CCDC91: variants seen among roughly 807,000 people sequenced by gnomAD.
CCDC91 encodes coiled-coil domain-containing protein 91.
In CCDC91, 48 loss-of-function variants were observed where a neutral mutation model predicts 63.2. The ratio of observed to expected loss-of-function variants is 0.76; its 90% confidence interval spans 0.60 to 0.97. The LOEUF (loss-of-function observed/expected upper bound fraction) is 0.97, where lower values mean the gene tolerates loss of function less well. CCDC91 is among the 50% of genes least tolerant of loss of function. CCDC91 has a pLI of 0.00. For missense variants in CCDC91, 500 were observed against 494.6 expected (o/e 1.01, Z -0.10); for synonymous variants, 167 against 165.8 (o/e 1.01, Z -0.06).
intron 3 of CCDC91, among the ~76,000 whole-genome samples, chr12:28,272,421 T>C (rs942640030): frequency 7.9e-5 from 12 of 151,744 alleles, no homozygotes; most frequent in Non-Finnish European, 1.8e-4. Flanking sequence ...AGTCGCTTTT[T>C]TTTTTTTTTG....
intron 3 of CCDC91, among the ~76,000 whole-genome samples, chr12:28,291,378 G>A (rs1949237975): frequency 6.6e-6 from 1 of 152,198 alleles, no homozygotes; most frequent in African/African-American, 2.4e-5. Context: ...ATGTGGTCAG[G>A]CATTGTCATG....
At chr12:28,372,209 A>G (rs2138849651) in intron 7 of CCDC91, among the ~76,000 whole-genome samples, 1 of 152,260 alleles carries the variant, frequency 6.6e-6, no homozygotes, top group South Asian at 2.1e-4. Flanking sequence ...ATCTAATTTT[A>G]TACCAGTACC....
intron 12 of CCDC91, among the ~76,000 whole-genome samples, chr12:28,524,576 C>T (rs544037489): frequency 2.0e-5 from 3 of 151,906 alleles, no homozygotes; most frequent in African/African-American, 4.8e-5. Context: ...TTGGTTGTAT[C>T]CTTTCCTGAT....
chr12:28,534,377 C>G (rs764145714), intron 12 of CCDC91, among the ~76,000 whole-genome samples: 1 of 152,136 alleles, frequency 6.6e-6, no homozygotes, highest in African/African-American at 2.4e-5. Context: ...ATGGCCATGA[C>G]AGGTCATTGG....
At chr12:28,343,864 C>T (rs537892077) in intron 6 of CCDC91, among the ~76,000 whole-genome samples, 1 of 152,140 alleles carries the variant, frequency 6.6e-6, no homozygotes, top group East Asian at 1.9e-4. Context: ...AGACACTATG[C>T]ATTATTCTAA....
chr12:28,420,949 T>C (rs1428630125), intron 8 of CCDC91, among the ~76,000 whole-genome samples: 1 of 152,114 alleles, frequency 6.6e-6, no homozygotes, highest in East Asian at 1.9e-4. Flanking sequence ...ATTTTTCCAG[T>C]ATACAGAATG....
chr12:28,471,386 C>T (rs1950804937), intron 11 of CCDC91, among the ~76,000 whole-genome samples: 2 of 152,120 alleles, frequency 1.3e-5, no homozygotes, highest in Non-Finnish European at 2.9e-5. Flanking sequence ...TTTTACCTCT[C>T]ATATGTTTTC....
chr12:28,470,068 C>CA (rs1950737785), intron 11 of CCDC91, among the ~76,000 whole-genome samples: 1 of 152,020 alleles, frequency 6.6e-6, no homozygotes, highest in Admixed American at 6.6e-5. Context: ...GCAACCAAAA[C>CA]AAAAATGGAC....
chr12:28,489,734 G>A (rs1951901266), intron 12 of CCDC91, among the ~76,000 whole-genome samples: 1 of 151,750 alleles, frequency 6.6e-6, no homozygotes, highest in Non-Finnish European at 1.5e-5. Flanking sequence ...TCAAGGCATT[G>A]TCAGAATTTT....
chr12:28,370,734 C>G (rs1944565925), intron 7 of CCDC91, among the ~76,000 whole-genome samples: 1 of 152,180 alleles, frequency 6.6e-6, no homozygotes, highest in Non-Finnish European at 1.5e-5. Flanking sequence ...AATTGACTCA[C>G]AGTTCCACAT....
intron 12 of CCDC91, among the ~76,000 whole-genome samples, chr12:28,513,700 A>G (rs1202014659): frequency 6.6e-6 from 1 of 151,754 alleles, no homozygotes; most frequent in Non-Finnish European, 1.5e-5. Flanking sequence ...TTAAGCATTA[A>G]GAAAACATTT....
chr12:28,518,108 A>G (rs1940158769), intron 12 of CCDC91, among the ~76,000 whole-genome samples: 1 of 151,960 alleles, frequency 6.6e-6, no homozygotes. Flanking sequence ...GTGTGCAAGT[A>G]TCTTTTCATA....
At chr12:28,217,960 C>T (rs1276499483) in intron 1 of CCDC91, among the ~76,000 whole-genome samples, 1 of 152,132 alleles carries the variant, frequency 6.6e-6, no homozygotes, top group African/African-American at 2.4e-5. Context: ...TCTTACTTAT[C>T]ATCTAAGGTT....
chr12:28,235,883 A>C (rs2135884728), intron 1 of CCDC91, among the ~76,000 whole-genome samples: 1 of 152,174 alleles, frequency 6.6e-6, no homozygotes, highest in Non-Finnish European at 1.5e-5. Flanking sequence ...TGTTAAATAT[A>C]GTGTCTTATA....
intron 3 of CCDC91, among the ~76,000 whole-genome samples, chr12:28,298,996 C>T (rs1282442816): frequency 2.0e-5 from 3 of 151,444 alleles, no homozygotes; most frequent in Non-Finnish European, 4.4e-5. Flanking sequence ...AGGTTGTTGC[C>T]ACTTGTTTGC....
At chr12:28,215,732 A>T (rs187669438) in intron 1 of CCDC91, among the ~76,000 whole-genome samples, 5 of 152,116 alleles carry the variant, frequency 3.3e-5, no homozygotes, top group Non-Finnish European at 7.4e-5. Context: ...CCAGACATAG[A>T]CAGAAGCAGT....
chr12:28,372,975 T>A (rs1944716502), intron 7 of CCDC91, among the ~76,000 whole-genome samples: 1 of 152,188 alleles, frequency 6.6e-6, no homozygotes, highest in Non-Finnish European at 1.5e-5. Flanking sequence ...TTGGCATGTT[T>A]GGCTTTTATT....
At chr12:28,548,213 T>C (rs1021618841) in intron 12 of CCDC91, among the ~76,000 whole-genome samples, 3 of 152,094 alleles carry the variant, frequency 2.0e-5, no homozygotes, top group African/African-American at 7.2e-5. Context: ...ATAAAACATC[T>C]CTACCTTAGC....
chr12:28,434,252 A>T (rs1179567144), intron 8 of CCDC91, among the ~76,000 whole-genome samples: 1 of 151,640 alleles, frequency 6.6e-6, no homozygotes, highest in Non-Finnish European at 1.5e-5. Flanking sequence ...TTTTTTGTAG[A>T]TGTTCTTTAT....
Sources: gnomAD v4.1 joint callset for allele counts (sites outside exome capture counted in the v4.1 genomes callset) on GRCh38, gnomAD v4.1.1 for gene constraint, MANE v1.5 for transcripts, NCBI Gene and HGNC (gene_info 2026-07-23, HGNC 2026-07-21) for gene names.